SIPA1L2: variants seen among roughly 807,000 people sequenced by gnomAD.
SIPA1L2 encodes signal induced proliferation associated 1 like 2.
In SIPA1L2, 56 loss-of-function variants were observed where a neutral mutation model predicts 163.9. That is an observed-to-expected ratio of 0.34 (90% CI 0.28 to 0.43). The LOEUF is 0.43. Among genes scored for constraint, SIPA1L2 ranks in the 20% least tolerant of loss-of-function variants. The pLI is 1.00. For missense variants in SIPA1L2, 1,974 were observed against 2,193.5 expected, an observed-to-expected ratio of 0.90 and a Z score of 2.00; for synonymous variants, 877 against 865.7, an observed-to-expected ratio of 1.01 and a Z score of -0.23.
chr1:232,548,500 T>C (rs1174617883), intron 2 of SIPA1L2, among the ~76,000 whole-genome samples: 1 of 152,252 alleles, frequency 6.6e-6, no homozygotes, highest in African/African-American at 2.4e-5. Flanking sequence ...AAATATTTGT[T>C]TTACAACCTC....
intron 2 of SIPA1L2, among the ~76,000 whole-genome samples, chr1:232,559,123 C>T (rs957886685): frequency 3.9e-5 from 6 of 152,180 alleles, no homozygotes; most frequent in Non-Finnish European, 8.8e-5. Context: ...CAACCCCAGA[C>T]ATCAGCACTC....
intron 19 of SIPA1L2, among the ~76,000 whole-genome samples, chr1:232,408,877 T>C (rs1660791177): frequency 6.6e-6 from 1 of 152,202 alleles, no homozygotes; most frequent in Non-Finnish European, 1.5e-5. Context: ...AATACCTTTA[T>C]CTGACCATAT....
At chr1:232,583,583 C>T (rs914419041) in intron 1 of SIPA1L2, among the ~76,000 whole-genome samples, 1 of 152,084 alleles carries the variant, frequency 6.6e-6, no homozygotes, top group Non-Finnish European at 1.5e-5. Flanking sequence ...ATAAACATTT[C>T]AAGACTGGGG....
intron 7 of SIPA1L2, among the ~76,000 whole-genome samples, chr1:232,474,180 A>G (rs12402112): frequency 0.24 from 36,661 of 152,082 alleles, 4,609 homozygotes; most frequent in Admixed American, 0.34. Flanking sequence ...TCTGGGGCGA[A>G]CTTCTTTCTA....
intron 1 of SIPA1L2, among the ~76,000 whole-genome samples, 88 bp downstream of exon 1, chr1:232,629,781 C>G (rs75050044): frequency 0.03 from 4,588 of 152,072 alleles, 194 homozygotes; most frequent in East Asian, 0.21. Flanking sequence ...GAAGGGCATC[C>G]CCTTCCCCTT....
In SIPA1L2 at chr1:232,428,580, A is replaced by G. The variant is rs1662041358; in HGVS notation, c.4257-16T>C. On this transcript the variant is annotated splice_polypyrimidine_tract_variant and intron_variant, in intron 16 of 22. Coordinates refer to ENST00000674635, the MANE Select transcript of SIPA1L2 (RefSeq NM_020808.5). Reference sequence around the variant, plus strand: ...ACTATACATCCTGTTGAAAACAATCAGAATGGAAATTAAGCCTATTTGTAA... The same window carrying G: ...ACTATACATCCTGTTGAAAACAATCGGAATGGAAATTAAGCCTATTTGTAA... 2 of 1,497,760 alleles carry G rather than the reference A, an allele frequency of 1.3e-6. No individual in the cohort carries two copies. Among genetic ancestry groups the G allele is most frequent in the African/African-American group, 2.9e-5 (2 of 69,838 alleles). The allele number at this position is 1,497,760 out of a possible 1,614,324, so 92.8% of individuals were successfully genotyped here.
intron 2 of SIPA1L2, among the ~76,000 whole-genome samples, chr1:232,557,517 C>A (rs1241908745): frequency 6.6e-6 from 1 of 152,204 alleles, no homozygotes; most frequent in Admixed American, 6.5e-5. Context: ...CCATTCCCAG[C>A]CAGTGAGTTT....
At chr1:232,460,222 T>C (rs1664157678) in intron 10 of SIPA1L2, among the ~76,000 whole-genome samples, 1 of 152,224 alleles carries the variant, frequency 6.6e-6, no homozygotes, top group African/African-American at 2.4e-5. Flanking sequence ...ATGATTATTT[T>C]CTATTAGTAA....
intron 10 of SIPA1L2, among the ~76,000 whole-genome samples, chr1:232,458,618 C>T (rs990805227): frequency 3.3e-5 from 5 of 152,092 alleles, no homozygotes; most frequent in Admixed American, 6.5e-5. Flanking sequence ...CTATAGTAAT[C>T]GGCTGCTAGG....
intron 19 of SIPA1L2, among the ~76,000 whole-genome samples, chr1:232,412,813 TTA>T (rs1476834920): frequency 2.0e-5 from 3 of 152,190 alleles, no homozygotes; most frequent in African/African-American, 7.2e-5. Flanking sequence ...CCACATTATT[TTA>T]TCTATCAATG....
At chr1:232,483,082 T>C (rs1665446403) in intron 6 of SIPA1L2, among the ~76,000 whole-genome samples, 1 of 152,160 alleles carries the variant, frequency 6.6e-6, no homozygotes, top group Admixed American at 6.5e-5. Flanking sequence ...CTTACAGACA[T>C]CATGAGAAAC....
At chr1:232,534,125 T>G (rs1169975937) in intron 2 of SIPA1L2, among the ~76,000 whole-genome samples, 5 of 152,098 alleles carry the variant, frequency 3.3e-5, no homozygotes, top group Non-Finnish European at 7.4e-5. Flanking sequence ...TCTCACATTT[T>G]CTGAATATAA....
chr1:232,591,934 A>C (rs1660988977), intron 1 of SIPA1L2, among the ~76,000 whole-genome samples: 1 of 152,222 alleles, frequency 6.6e-6, no homozygotes. Context: ...AAATGGCAAC[A>C]GCCTAAGCCT....
chr1:232,505,344 T>C (rs1666679055), intron 3 of SIPA1L2, among the ~76,000 whole-genome samples: 1 of 152,250 alleles, frequency 6.6e-6, no homozygotes. Flanking sequence ...CTTTAAGAAC[T>C]AATGCTCCAA....
At chr1:232,440,094 T>A (rs1662801619) in intron 14 of SIPA1L2, among the ~76,000 whole-genome samples, 1 of 152,222 alleles carries the variant, frequency 6.6e-6, no homozygotes, top group South Asian at 2.1e-4. Flanking sequence ...CCAGTCAAAG[T>A]GCGTCCCAAG....
At chr1:232,518,450 T>G (rs1363095496) in intron 2 of SIPA1L2, among the ~76,000 whole-genome samples, 3 of 152,288 alleles carry the variant, frequency 2.0e-5, no homozygotes, top group East Asian at 3.9e-4. Context: ...ACTCCTCCCC[T>G]GAGATTTTGC....
rs1663044894 is a variant in SIPA1L2 at position 232,443,739 on chromosome 1, T to C, written c.3354-54A>G. 2.1e-6 allele frequency: 3 copies of C among 1,420,576 alleles called. No individual in the cohort carries two copies. In the Admixed American group the frequency reaches 6.2e-5, roughly 29 times the overall value. 88.0% of individuals were successfully genotyped at this position (1,420,576 alleles called of 1,614,324 possible). A position where few individuals can be genotyped will look rare whatever the true frequency, so the allele number is the denominator to read the frequency against. On this transcript the variant is annotated intron_variant, in intron 11 of 22. Transcript: ENST00000674635. ...GGCACTGAACTATCTGCCAAGCCCC[T>C]TGACCTGGCCTGTTTTGTTTCACAA... is the stretch of plus-strand genomic sequence containing the variant.
intron 1 of SIPA1L2, among the ~76,000 whole-genome samples, chr1:232,604,033 A>G (rs909034292): frequency 2.6e-5 from 4 of 152,102 alleles, no homozygotes; most frequent in African/African-American, 9.7e-5. Context: ...GGCATTTTTC[A>G]AACAAATCAA....
chr1:232,610,675 C>T (rs893356568), intron 1 of SIPA1L2, among the ~76,000 whole-genome samples: 14 of 152,092 alleles, frequency 9.2e-5, no homozygotes, highest in African/African-American at 3.4e-4. Context: ...GGGCCTGACA[C>T]TAGGCCGCCA....
Sources: gnomAD v4.1 joint callset for allele counts (sites outside exome capture counted in the v4.1 genomes callset) on GRCh38, gnomAD v4.1.1 for gene constraint, MANE v1.5 for transcripts, NCBI Gene and HGNC (gene_info 2026-07-23, HGNC 2026-07-21) for gene names.